LHFPL6: variants seen among roughly 807,000 people sequenced by gnomAD.
The protein encoded by LHFPL6 is LHFPL tetraspan subfamily member 6.
Under a neutral mutation model 20.6 loss-of-function variants are expected in LHFPL6, and 9 were observed. That is an observed-to-expected ratio of 0.44 (90% CI 0.26 to 0.76). LHFPL6 has a LOEUF of 0.76. Ranked by LOEUF, LHFPL6 falls within the 30% of genes least tolerant of loss-of-function variation. The probability of loss-of-function intolerance (pLI) is 0.20; values close to 1 mark genes in which losing one functional copy is unlikely to be tolerated. For missense variants in LHFPL6, 218 were observed against 253.5 expected (o/e 0.86, Z 0.95); for synonymous variants, 105 against 98.7 (o/e 1.06, Z -0.38).
intron 2 of LHFPL6, among the ~76,000 whole-genome samples, chr13:39,470,354 G>C (rs1359999403): frequency 6.6e-6 from 1 of 151,962 alleles, no homozygotes; most frequent in East Asian, 1.9e-4. Context: ...ATAACATTTA[G>C]CAATTCATTC....
chr13:39,394,134 C>A (rs1395767355), intron 2 of LHFPL6, among the ~76,000 whole-genome samples: 2 of 152,122 alleles, frequency 1.3e-5, no homozygotes, highest in African/African-American at 4.8e-5. Context: ...GAGATGGGGT[C>A]TTGCTAAGTT....
chr13:39,467,855 C>T (rs1320849239), intron 2 of LHFPL6, among the ~76,000 whole-genome samples: 2 of 152,174 alleles, frequency 1.3e-5, no homozygotes, highest in Non-Finnish European at 2.9e-5. Flanking sequence ...TCACCTTTCC[C>T]TATGAAGAAG....
intron 2 of LHFPL6, among the ~76,000 whole-genome samples, chr13:39,383,291 G>C (rs1363000900): frequency 2.0e-5 from 3 of 152,196 alleles, no homozygotes; most frequent in Non-Finnish European, 4.4e-5. Context: ...GTCAGATCAG[G>C]CCACAATATT....
intron 2 of LHFPL6, among the ~76,000 whole-genome samples, chr13:39,506,762 T>C (rs1370827013): frequency 6.6e-6 from 1 of 152,144 alleles, no homozygotes; most frequent in Non-Finnish European, 1.5e-5. Flanking sequence ...AGATCTCACA[T>C]ATAAGCTAAA....
chr13:39,343,199 T>C lies in LHFPL6; in HGVS notation c.*737A>G. 9.5e-6 allele frequency: 2 copies of C among 211,264 alleles called. No homozygotes were observed. The highest frequency in any genetic ancestry group is 9.6e-6 in the Non-Finnish European group (1 of 103,806). 13.1% of individuals were successfully genotyped at this position (211,264 alleles called of 1,614,324 possible). On this transcript the variant is annotated 3_prime_UTR_variant, in exon 4 of 4. Coordinates refer to ENST00000379589, the MANE Select transcript of LHFPL6 (RefSeq NM_005780.3). Reference sequence around the variant, plus strand: ...ATACAAAGGCTTAACTCTAAAGGTCTGCATAAACACTGAAAATATGTTGAG... The same window carrying C: ...ATACAAAGGCTTAACTCTAAAGGTCCGCATAAACACTGAAAATATGTTGAG...
chr13:39,350,979 G>A (rs1165615658), intron 3 of LHFPL6, among the ~76,000 whole-genome samples: 1 of 152,132 alleles, frequency 6.6e-6, no homozygotes, highest in Non-Finnish European at 1.5e-5. Context: ...ATATAACAAT[G>A]GAATTCCAGT....
intron 3 of LHFPL6, among the ~76,000 whole-genome samples, chr13:39,369,460 A>T (rs2138352000): frequency 6.6e-6 from 1 of 152,260 alleles, no homozygotes; most frequent in Admixed American, 6.5e-5. Context: ...TTAGGCCATT[A>T]GTCCCTTAAA....
intron 2 of LHFPL6, among the ~76,000 whole-genome samples, chr13:39,418,079 C>G (rs1871389154): frequency 6.6e-6 from 1 of 152,158 alleles, no homozygotes; most frequent in South Asian, 2.1e-4. Flanking sequence ...AACCCCACAT[C>G]TACTCTTCCC....
intron 2 of LHFPL6, among the ~76,000 whole-genome samples, chr13:39,397,553 G>A (rs1290121253): frequency 2.0e-5 from 3 of 152,314 alleles, no homozygotes; most frequent in South Asian, 2.1e-4. Context: ...TAAGTCATCC[G>A]TGACGAAGGT....
At position 39,378,531 on chromosome 13, in the gene LHFPL6, A is replaced by G. The variant is rs776138317; in HGVS notation, c.386-5T>C. On this transcript the variant is annotated splice_polypyrimidine_tract_variant and splice_region_variant and intron_variant, in intron 2 of 3. Coordinates refer to ENST00000379589, the MANE Select transcript of LHFPL6 (RefSeq NM_005780.3). ...AGCCAGCACCAATCAACAAGCCTGC[A>G]AAGAGATAAGACAAGAGGGCTTTAC... The G allele has an allele frequency of 1.9e-6, 3 of 1,611,784 alleles. No homozygotes were observed. The highest frequency in any genetic ancestry group is 1.7e-6 in the Non-Finnish European group (2 of 1,178,090).
intron 2 of LHFPL6, among the ~76,000 whole-genome samples, chr13:39,411,187 A>G (rs1871234735): frequency 6.6e-6 from 1 of 152,176 alleles, no homozygotes; most frequent in Non-Finnish European, 1.5e-5. Context: ...GTAGTTGCTA[A>G]TATTTCATCA....
intron 2 of LHFPL6, among the ~76,000 whole-genome samples, chr13:39,395,586 G>A (rs1279172811): frequency 6.6e-6 from 1 of 152,182 alleles, no homozygotes; most frequent in Non-Finnish European, 1.5e-5. Context: ...CCATCACTCC[G>A]GGCGGGAGGT....
intron 3 of LHFPL6, among the ~76,000 whole-genome samples, chr13:39,375,921 A>G (rs1870284173): frequency 1.3e-5 from 2 of 152,134 alleles, no homozygotes; most frequent in African/African-American, 2.4e-5. Flanking sequence ...AAGGAAATTT[A>G]GAAACGCATG....
At chr13:39,602,135 G>C (rs573442489) in intron 1 of LHFPL6, among the ~76,000 whole-genome samples, 1 of 152,216 alleles carries the variant, frequency 6.6e-6, no homozygotes, top group East Asian at 1.9e-4. Context: ...ATACTTCCCA[G>C]TATGCTACAT....
chr13:39,522,672 G>C (rs1870147321), intron 2 of LHFPL6, among the ~76,000 whole-genome samples: 1 of 152,114 alleles, frequency 6.6e-6, no homozygotes, highest in Non-Finnish European at 1.5e-5. Flanking sequence ...ATTTCTCTTG[G>C]TCTGTATATA....
intron 2 of LHFPL6, among the ~76,000 whole-genome samples, chr13:39,425,814 T>C (rs1412230341): frequency 6.6e-6 from 1 of 152,192 alleles, no homozygotes; most frequent in East Asian, 1.9e-4. Context: ...ATCTGTAACC[T>C]GTCTTTTCAT....
chr13:39,343,844 A>T lies in LHFPL6; in HGVS notation c.*92T>A. On this transcript the variant is annotated 3_prime_UTR_variant, in exon 4 of 4. Transcript: ENST00000379589. ...ATTAGCATTGTATTGGATTAGAACTACTATCCCACCTTTTGAAGGTAGGTG... is the reference window on the plus strand; with the variant it reads ...ATTAGCATTGTATTGGATTAGAACTTCTATCCCACCTTTTGAAGGTAGGTG... 1 of 847,582 alleles carries T rather than the reference A, an allele frequency of 1.2e-6. No homozygotes were observed. 52.5% of individuals were successfully genotyped at this position (847,582 alleles called of 1,614,324 possible).
chr13:39,523,977 T>C (rs1223051940), intron 2 of LHFPL6, among the ~76,000 whole-genome samples: 1 of 152,124 alleles, frequency 6.6e-6, no homozygotes, highest in Non-Finnish European at 1.5e-5. Context: ...ATTTGTATTA[T>C]GGAGCAATAG....
intron 2 of LHFPL6, among the ~76,000 whole-genome samples, chr13:39,443,162 A>G (rs1458652619): frequency 6.6e-6 from 1 of 152,142 alleles, no homozygotes. Context: ...TAACATGGGC[A>G]TTGGTTAGTT....
Sources: allele counts gnomAD v4.1 joint callset (sites outside exome capture counted in the v4.1 genomes callset), GRCh38; gene constraint gnomAD v4.1.1; transcripts MANE v1.5; gene names NCBI Gene and HGNC (gene_info 2026-07-23, HGNC 2026-07-21).